GPC3: variants seen among roughly 807,000 people sequenced by gnomAD.
The protein encoded by GPC3 is glypican-3.
A neutral mutation model predicts 34.4 loss-of-function variants in GPC3; 3 were observed. The observed-to-expected ratio is 0.09, with a 90% CI of 0.04 to 0.23. The LOEUF is 0.23. Among genes scored for constraint, GPC3 ranks in the 10% least tolerant of loss-of-function variants. The pLI is 1.00. For missense variants in GPC3, 351 were observed against 445.6 expected (o/e 0.79, Z 1.91); for synonymous variants, 177 against 174.0 (o/e 1.02, Z -0.13).
At chrX:133,951,047 A>AGT (rs373690687) in intron 2 of GPC3, among the ~76,000 whole-genome samples, 14,879 of 76,453 alleles carry the variant, frequency 0.19, 1,496 homozygotes, top group Admixed American at 0.3. Context: ...AATTCAAGAA[A>AGT]GTGTGTGTGT....
chrX:133,686,312 G>A (rs774533889), intron 5 of GPC3, among the ~76,000 whole-genome samples: 1 of 111,708 alleles, frequency 9.0e-6, no homozygotes, highest in South Asian at 3.8e-4. Flanking sequence ...TCAAGGATAA[G>A]GGTGAGCTAA....
chrX:133,628,698 C>T lies in GPC3; in HGVS notation c.1414-32099G>A, dbSNP rs758097360. Reference sequence around the variant, plus strand: ...TATGTGGCCTCAAATACATAACACACCAATATGTTAATTAGCAAGTGATTA... The same window carrying T: ...TATGTGGCCTCAAATACATAACACATCAATATGTTAATTAGCAAGTGATTA... On this transcript the variant is annotated intron_variant, in intron 6 of 7. Transcript: ENST00000370818. 9.1e-5 allele frequency among the ~76,000 whole-genome samples: 10 copies of T among 110,372 alleles called. No individual in the cohort carries two copies. The South Asian group carries it at 3.9e-3, about 43-fold the overall frequency.
chrX:133,865,686 G>T (rs2075963118), intron 2 of GPC3, among the ~76,000 whole-genome samples: 1 of 111,988 alleles, frequency 8.9e-6, no homozygotes, highest in Non-Finnish European at 1.9e-5. Flanking sequence ...TGTGGTAATT[G>T]GTCAGCAACG....
intron 2 of GPC3, among the ~76,000 whole-genome samples, chrX:133,810,778 G>A (rs12009725): frequency 0.046 from 4,730 of 103,316 alleles, 291 homozygotes; most frequent in African/African-American, 0.16. Flanking sequence ...ATTGGCGGGC[G>A]CCTGTAGTCC....
chrX:133,965,981 G>A (rs988662151), intron 1 of GPC3, among the ~76,000 whole-genome samples: 2 of 111,313 alleles, frequency 1.8e-5, no homozygotes, highest in South Asian at 3.8e-4. Flanking sequence ...GATAAACAGG[G>A]ACTAAAACCA....
At chrX:133,736,485 C>T (rs997647573) in intron 3 of GPC3, among the ~76,000 whole-genome samples, 1 of 111,953 alleles carries the variant, frequency 8.9e-6, no homozygotes, top group African/African-American at 3.2e-5. Flanking sequence ...AAATGTCCAT[C>T]AACTGATAAT....
At position 133,749,131 on chromosome X, in the gene GPC3, C is replaced by T. The variant is rs889481246; in HGVS notation, c.1032+4351G>A. 6.3e-5 allele frequency among the ~76,000 whole-genome samples: 7 copies of T among 111,427 alleles called. 1 individual carries two copies. The highest frequency in any genetic ancestry group is 7.7e-4 in the South Asian group (2 of 2,607). On this transcript the variant is annotated intron_variant, in intron 3 of 7. Coordinates refer to ENST00000370818, the MANE Select transcript of GPC3 (RefSeq NM_004484.4). The stretch of plus-strand genomic sequence containing the variant: ...AAAAAATTAGCCAGGTATTATGGCA[C>T]GCGCCTGTAATCCTAGCTACTCGGG...
At chrX:133,600,683 G>T (rs1168282956) in intron 6 of GPC3, among the ~76,000 whole-genome samples, 1 of 111,478 alleles carries the variant, frequency 9.0e-6, no homozygotes, top group East Asian at 2.8e-4. Flanking sequence ...TAATGGGTCA[G>T]AGAGGAGGAA....
chrX:133,767,693 G>T (rs1370776662), intron 2 of GPC3, among the ~76,000 whole-genome samples: 5 of 110,217 alleles, frequency 4.5e-5, no homozygotes, highest in Non-Finnish European at 9.5e-5. Flanking sequence ...TACTCAATGG[G>T]CTCCGGAAGC....
chrX:133,615,183 A>G (rs2070148278), intron 6 of GPC3, among the ~76,000 whole-genome samples: 1 of 111,903 alleles, frequency 8.9e-6, no homozygotes, highest in South Asian at 3.7e-4. Context: ...AAGAATTTCC[A>G]ACTCATTCTA....
At chrX:133,637,218 A>C (rs1387725336) in intron 6 of GPC3, among the ~76,000 whole-genome samples, 4 of 111,388 alleles carry the variant, frequency 3.6e-5, no homozygotes, top group African/African-American at 1.3e-4. Flanking sequence ...CTGTAATCCT[A>C]GAACTTTGGG....
At chrX:133,730,733 A>AT (rs931635803) in intron 3 of GPC3, among the ~76,000 whole-genome samples, 1 of 111,694 alleles carries the variant, frequency 9.0e-6, no homozygotes, top group Non-Finnish European at 1.9e-5. Context: ...TAATTTGAAT[A>AT]TTTTTAGGTA....
intron 5 of GPC3, among the ~76,000 whole-genome samples, chrX:133,687,561 C>T (rs1253971480): frequency 9.4e-6 from 1 of 106,706 alleles, no homozygotes; most frequent in African/African-American, 3.4e-5. Context: ...GCTGGGACTA[C>T]GGGTACCTGC....
chrX:133,621,702 C>T (rs1364483112), intron 6 of GPC3, among the ~76,000 whole-genome samples: 1 of 112,420 alleles, frequency 8.9e-6, no homozygotes, highest in African/African-American at 3.2e-5. Context: ...GCCTGCCTGC[C>T]TCTGCAGACT....
chrX:133,815,486 T>C (rs1263167583), intron 2 of GPC3, among the ~76,000 whole-genome samples: 1 of 110,045 alleles, frequency 9.1e-6, no homozygotes, highest in African/African-American at 3.3e-5. Flanking sequence ...TTTGTTTTTG[T>C]TTTTGTTTGA....
chrX:133,584,035 C>A (rs1402371702), intron 7 of GPC3, among the ~76,000 whole-genome samples: 1 of 111,632 alleles, frequency 9.0e-6, no homozygotes, highest in Non-Finnish European at 1.9e-5. Flanking sequence ...TGCCTTCCCC[C>A]ACTCAGCTGA....
intron 4 of GPC3, among the ~76,000 whole-genome samples, chrX:133,698,276 T>C (rs1054947550): frequency 8.9e-6 from 1 of 112,070 alleles, no homozygotes; most frequent in Non-Finnish European, 1.9e-5. Flanking sequence ...TCTATTCTGA[T>C]TGTACTAGTT....
At chrX:133,901,974 C>T (rs776794527) in intron 2 of GPC3, among the ~76,000 whole-genome samples, 3 of 111,818 alleles carry the variant, frequency 2.7e-5, no homozygotes, top group East Asian at 5.6e-4. Context: ...GTCTCAGGGA[C>T]GTTAGAACTG....
chrX:133,712,769 C>A (rs943482070), intron 3 of GPC3, among the ~76,000 whole-genome samples: 1 of 110,291 alleles, frequency 9.1e-6, no homozygotes, highest in Admixed American at 9.6e-5. Context: ...CCTGTAATCC[C>A]AGCTACTTGG....
Sources: gnomAD v4.1 joint callset for allele counts (sites outside exome capture counted in the v4.1 genomes callset) on GRCh38, gnomAD v4.1.1 for gene constraint, MANE v1.5 for transcripts, NCBI Gene and HGNC (gene_info 2026-07-23, HGNC 2026-07-21) for gene names.